PLXDC1: variants seen among roughly 807,000 people sequenced by gnomAD.
PLXDC1 encodes plexin domain containing 1, also known as plexin domain-containing protein 1.
In PLXDC1, 39 loss-of-function variants were observed where a neutral mutation model predicts 61.3. That is an observed-to-expected ratio of 0.64 (90% CI 0.49 to 0.83). PLXDC1 has a LOEUF of 0.83. Ranked by LOEUF, PLXDC1 falls within the 40% of genes least tolerant of loss-of-function variation. The pLI, the probability that PLXDC1 is intolerant of heterozygous loss-of-function variation, is 0.00. For missense variants in PLXDC1, 596 were observed against 666.5 expected (o/e 0.89, Z 1.17); for synonymous variants, 212 against 254.5 (o/e 0.83, Z 1.59).
At chr17:39,111,301 T>C (rs1910791985) in intron 2 of PLXDC1, among the ~76,000 whole-genome samples, 1 of 150,952 alleles carries the variant, frequency 6.6e-6, no homozygotes, top group Admixed American at 6.6e-5. Flanking sequence ...TCTTTTATTG[T>C]TGAGACAGAG....
At chr17:39,104,536 C>T (rs115962414) in intron 7 of PLXDC1, among the ~76,000 whole-genome samples, 1 of 152,160 alleles carries the variant, frequency 6.6e-6, no homozygotes, top group Non-Finnish European at 1.5e-5. Flanking sequence ...GTAATCCCAG[C>T]ACTTTGGGAT....
At chr17:39,106,949 G>A (rs1283780547) in intron 6 of PLXDC1, among the ~76,000 whole-genome samples, 1 of 151,724 alleles carries the variant, frequency 6.6e-6, no homozygotes, top group Non-Finnish European at 1.5e-5. Context: ...ACCGCACCTG[G>A]CCCATGCTGC....
chr17:39,118,618 G>T (rs1911066576), intron 2 of PLXDC1, among the ~76,000 whole-genome samples: 1 of 152,150 alleles, frequency 6.6e-6, no homozygotes, highest in Non-Finnish European at 1.5e-5. Context: ...CATGTTTTAG[G>T]ATGCTCCATC....
chr17:39,110,332 C>G (rs558922179), intron 2 of PLXDC1, among the ~76,000 whole-genome samples: 1 of 152,246 alleles, frequency 6.6e-6, no homozygotes, highest in African/African-American at 2.4e-5. Flanking sequence ...AGGATTCCTT[C>G]GAGGCATATC....
intron 2 of PLXDC1, among the ~76,000 whole-genome samples, chr17:39,129,596 G>A (rs1443944895): frequency 2.7e-5 from 4 of 150,932 alleles, no homozygotes; most frequent in African/African-American, 9.8e-5. Context: ...CAGCCTGGGC[G>A]ACAGAGCAAG....
chr17:39,134,684 C>T (rs886897280), intron 2 of PLXDC1, among the ~76,000 whole-genome samples: 1 of 151,210 alleles, frequency 6.6e-6, no homozygotes, highest in Non-Finnish European at 1.5e-5. Flanking sequence ...AGAAAACAAC[C>T]ACATCTAGAA....
intron 2 of PLXDC1, among the ~76,000 whole-genome samples, chr17:39,125,778 A>T (rs2143816117): frequency 6.6e-6 from 1 of 152,358 alleles, no homozygotes; most frequent in African/African-American, 2.4e-5. Context: ...GCTGCATGAC[A>T]GTCCACTCAG....
chr17:39,135,415 G>A (rs930605912), intron 2 of PLXDC1, among the ~76,000 whole-genome samples: 24 of 152,166 alleles, frequency 1.6e-4, no homozygotes, highest in African/African-American at 5.6e-4. Flanking sequence ...GGTGGCTCCC[G>A]CCTGTAATCC....
chr17:39,087,496 C>G (rs186004582), intron 8 of PLXDC1, 111 bp downstream of exon 8: 1 of 808,100 alleles, frequency 1.2e-6, no homozygotes, highest in African/African-American at 1.7e-5. Flanking sequence ...TGGAGGGCCC[C>G]GAAAAGTTAG....
At chr17:39,128,858 A>G (rs776852561) in intron 2 of PLXDC1, among the ~76,000 whole-genome samples, 1 of 151,900 alleles carries the variant, frequency 6.6e-6, no homozygotes, top group African/African-American at 2.4e-5. Context: ...AAAGTATGAA[A>G]AATTAGCTGA....
intron 7 of PLXDC1, among the ~76,000 whole-genome samples, chr17:39,095,127 G>T (rs866482111): frequency 2.6e-5 from 4 of 152,064 alleles, no homozygotes; most frequent in Non-Finnish European, 2.9e-5. Flanking sequence ...GGGCTGGGGG[G>T]CAGAGTTGGG....
At position 39,073,643 on chromosome 17, in the gene PLXDC1, C is replaced by T. The variant is rs113940607; in HGVS notation, c.1187-1158G>A. Among the ~76,000 whole-genome samples, 1,128 of 152,344 alleles carry T rather than the reference C, an allele frequency of 7.4e-3. 24 individuals carry two copies. The highest frequency in any genetic ancestry group is 0.026 in the African/African-American group (1,073 of 41,570). On this transcript the variant is annotated intron_variant, in intron 11 of 13. Transcript: ENST00000315392. ...CCCAGCTGCCATCTTGCTGGGGCTCCATGTAATGCACATTGGCTCCTGAGT... is the reference window on the plus strand; with the variant it reads ...CCCAGCTGCCATCTTGCTGGGGCTCTATGTAATGCACATTGGCTCCTGAGT...
At chr17:39,147,742 G>T (rs1183661350) in intron 1 of PLXDC1, among the ~76,000 whole-genome samples, 1 of 152,142 alleles carries the variant, frequency 6.6e-6, no homozygotes, top group Non-Finnish European at 1.5e-5. Context: ...CCCTTGAGGG[G>T]AGAGTCTGGG....
chr17:39,074,205 A>G (rs3942176), intron 11 of PLXDC1, among the ~76,000 whole-genome samples: 40,411 of 152,050 alleles, frequency 0.27, 6,147 homozygotes, highest in Admixed American at 0.43. Context: ...GGGGGAAGTC[A>G]TCATTAAAAA....
At chr17:39,096,657 G>C (rs1220388335) in intron 7 of PLXDC1, among the ~76,000 whole-genome samples, 1 of 152,238 alleles carries the variant, frequency 6.6e-6, no homozygotes, top group East Asian at 1.9e-4. Flanking sequence ...GGCCGTCCAA[G>C]GCCATTCGGG....
At chr17:39,087,046 G>A (rs992214211) in intron 8 of PLXDC1, among the ~76,000 whole-genome samples, 9 of 152,102 alleles carry the variant, frequency 5.9e-5, no homozygotes, top group Non-Finnish European at 1.2e-4. Context: ...GCCCCATCCC[G>A]AAGAGCATCC....
chr17:39,109,884 TG>T (rs1910737960), intron 2 of PLXDC1, among the ~76,000 whole-genome samples: 1 of 152,232 alleles, frequency 6.6e-6, no homozygotes, highest in African/African-American at 2.4e-5. Flanking sequence ...GGCTCGCGCC[TG>T]TAATCCCAGC....
chr17:39,087,650 G>A lies in PLXDC1; in HGVS notation c.864C>T (p.Ser288=). The change falls in exon 8 of 14, where the codon AGC becomes AGT. Residue 288 remains serine, a synonymous_variant. Coordinates refer to ENST00000315392, the MANE Select transcript of PLXDC1 (RefSeq NM_020405.5). ...CCACGGCCGACATGCTGGTGACCTT[G>A]CTGGGGTCCAGCTCTATGCGGTGAT... ...FEYHRIELDP[S]KVTSMSAVEF... 1 of 1,614,100 alleles carries A rather than the reference G, an allele frequency of 6.2e-7. No homozygotes were observed. Among genetic ancestry groups the A allele is most frequent in the Non-Finnish European group, 8.5e-7 (1 of 1,179,994 alleles).
chr17:39,146,862 G>GA (rs1171170781), intron 1 of PLXDC1, among the ~76,000 whole-genome samples: 999 of 72,402 alleles, frequency 0.014, 10 homozygotes, highest in African/African-American at 0.044. Flanking sequence ...TCTCAAAAAA[G>GA]AAAAAAAAAA....
Sources: gnomAD v4.1 joint callset for allele counts (sites outside exome capture counted in the v4.1 genomes callset) on GRCh38, gnomAD v4.1.1 for gene constraint, MANE v1.5 for transcripts, NCBI Gene and HGNC (gene_info 2026-07-23, HGNC 2026-07-21) for gene names.